CLIC4: variants seen among roughly 807,000 people sequenced by gnomAD.
CLIC4 encodes the protein CLIC family member 4, also known as chloride intracellular channel protein 4.
CLIC4 carries 13 observed loss-of-function variants against 24.6 expected under a neutral mutation model. That is an observed-to-expected ratio of 0.53 (90% confidence interval 0.34 to 0.84). CLIC4 has a LOEUF of 0.84. CLIC4 is among the 40% of genes least tolerant of loss of function. The probability of loss-of-function intolerance (pLI) is 0.01; values close to 1 mark genes in which losing one functional copy is unlikely to be tolerated. For missense variants in CLIC4, 227 were observed against 301.7 expected, an observed-to-expected ratio of 0.75 and a Z score of 1.83; for synonymous variants, 104 against 111.3, an observed-to-expected ratio of 0.93 and a Z score of 0.41.
At chr1:24,794,031 C>T (rs1424823301) in intron 1 of CLIC4, among the ~76,000 whole-genome samples, 3 of 151,520 alleles carry the variant, frequency 2.0e-5, no homozygotes, top group Admixed American at 2.0e-4. Context: ...AGAACGTTCT[C>T]TTCCAGCATT....
At chr1:24,775,224 CTTTTTTTTTTTT>C in intron 1 of CLIC4, among the ~76,000 whole-genome samples, 1 of 90,664 alleles carries the variant, frequency 1.1e-5, no homozygotes, top group Non-Finnish European at 2.1e-5. Flanking sequence ...TTCTTTCTTT[CTTTTTTTTTTTT>C]TTTTTTTTGC....
chr1:24,823,774 C>CAAAAA (rs10627275), intron 3 of CLIC4, among the ~76,000 whole-genome samples: 1 of 108,734 alleles, frequency 9.2e-6, no homozygotes, highest in Non-Finnish European at 1.8e-5. Context: ...AACTCTGTCT[C>CAAAAA]AAAAAAAAAA....
At chr1:24,769,155 CATA>C (rs140752471) in intron 1 of CLIC4, among the ~76,000 whole-genome samples, 8,583 of 151,980 alleles carry the variant, frequency 0.056, 323 homozygotes, top group Middle Eastern at 0.13. Flanking sequence ...AACAAAAAAA[CATA>C]ATGTAAGAAT....
At chr1:24,822,885 T>G (rs1639749566) in intron 3 of CLIC4, among the ~76,000 whole-genome samples, 1 of 152,158 alleles carries the variant, frequency 6.6e-6, no homozygotes. Context: ...TTTCCTTCCC[T>G]CTATTGTGCT....
intron 1 of CLIC4, among the ~76,000 whole-genome samples, chr1:24,788,816 A>G (rs1639302370): frequency 6.6e-6 from 1 of 152,244 alleles, no homozygotes; most frequent in Non-Finnish European, 1.5e-5. Context: ...ACTAGCAGGC[A>G]CTGAGAAGAA....
chr1:24,839,459 C>T (rs1192192169), intron 4 of CLIC4, among the ~76,000 whole-genome samples: 3 of 152,260 alleles, frequency 2.0e-5, no homozygotes, highest in Non-Finnish European at 4.4e-5. Flanking sequence ...GCCACCACGC[C>T]CGGCTAATTT....
At chr1:24,839,771 A>G in intron 4 of CLIC4, 89 bp from the exon 5 acceptor site, 1 of 1,128,954 alleles carries the variant, frequency 8.9e-7, no homozygotes, top group Non-Finnish European at 1.3e-6. Context: ...ATTTTTAAAC[A>G]GTTATTGACT....
chr1:24,747,588 G>A (rs1336889150), intron 1 of CLIC4, among the ~76,000 whole-genome samples: 1 of 150,744 alleles, frequency 6.6e-6, no homozygotes, highest in East Asian at 1.9e-4. Flanking sequence ...AAACAGCATG[G>A]AGAAGGGAAA....
chr1:24,793,211 A>T (rs1639361757), intron 1 of CLIC4: 1 of 151,516 alleles, frequency 6.6e-6, no homozygotes, highest in South Asian at 2.1e-4. Flanking sequence ...GCTAATTGGA[A>T]AGGTAGTGTA....
chr1:24,770,607 A>G (rs1426028141), intron 1 of CLIC4, among the ~76,000 whole-genome samples: 1 of 152,160 alleles, frequency 6.6e-6, no homozygotes, highest in African/African-American at 2.4e-5. Context: ...CAAGCACACA[A>G]ATTTTTAAAA....
intron 2 of CLIC4, among the ~76,000 whole-genome samples, chr1:24,808,192 C>T (rs964967964): frequency 7.9e-5 from 12 of 152,238 alleles, no homozygotes; most frequent in Non-Finnish European, 1.3e-4. Flanking sequence ...CTGATCCGCC[C>T]GCCTTGGCCT....
At chr1:24,751,908 G>C (rs1638782091) in intron 1 of CLIC4, among the ~76,000 whole-genome samples, 1 of 152,184 alleles carries the variant, frequency 6.6e-6, no homozygotes, top group Admixed American at 6.5e-5. Flanking sequence ...CCTTTGCGGA[G>C]TTCAGTTTTA....
intron 2 of CLIC4, among the ~76,000 whole-genome samples, chr1:24,812,667 G>A (rs985483831): frequency 2.0e-5 from 3 of 152,000 alleles, no homozygotes; most frequent in Non-Finnish European, 4.4e-5. Context: ...TTTTGTGGAG[G>A]CTTGCTTCTT....
chr1:24,806,511 TA>T (rs944094592), intron 2 of CLIC4, among the ~76,000 whole-genome samples: 2 of 152,162 alleles, frequency 1.3e-5, no homozygotes, highest in African/African-American at 2.4e-5. Flanking sequence ...TTTATTTATT[TA>T]AAAAAATATA....
At chr1:24,753,193 G>T (rs998131486) in intron 1 of CLIC4, among the ~76,000 whole-genome samples, 5 of 152,076 alleles carry the variant, frequency 3.3e-5, no homozygotes, top group African/African-American at 7.2e-5. Flanking sequence ...TTAGAGTCAA[G>T]AATACTTTAT....
At chr1:24,815,548 C>T (rs1639659269) in intron 3 of CLIC4, among the ~76,000 whole-genome samples, 1 of 152,116 alleles carries the variant, frequency 6.6e-6, no homozygotes, top group African/African-American at 2.4e-5. Context: ...TCTGAGCCTT[C>T]AGCGAGTCAA....
At chr1:24,810,852 G>A (rs1049818746) in intron 2 of CLIC4, among the ~76,000 whole-genome samples, 3 of 151,862 alleles carry the variant, frequency 2.0e-5, no homozygotes, top group Admixed American at 6.6e-5. Flanking sequence ...TTGGGAGGCC[G>A]AGGTGGGCGG....
intron 2 of CLIC4, among the ~76,000 whole-genome samples, chr1:24,805,377 A>T (rs1297914229): frequency 1.3e-5 from 2 of 152,178 alleles, no homozygotes; most frequent in Non-Finnish European, 2.9e-5. Flanking sequence ...TCAAACCAGA[A>T]TATAGCAAAT....
chr1:24,767,634 T>A (rs941284913), intron 1 of CLIC4, among the ~76,000 whole-genome samples: 4 of 152,206 alleles, frequency 2.6e-5, no homozygotes, highest in Admixed American at 2.6e-4. Flanking sequence ...GATTGGACTC[T>A]GCCATCTTAG....
Sources: allele counts gnomAD v4.1 joint callset (sites outside exome capture counted in the v4.1 genomes callset), GRCh38; gene constraint gnomAD v4.1.1; transcripts MANE v1.5; gene names NCBI Gene and HGNC (gene_info 2026-07-23, HGNC 2026-07-21).